SEPTIN11: variants seen among roughly 807,000 people sequenced by gnomAD.
SEPTIN11 encodes the protein septin-11.
Under a neutral mutation model 51.4 loss-of-function variants are expected in SEPTIN11, and 25 were observed. That is an observed-to-expected ratio of 0.49 (90% CI 0.35 to 0.68). The LOEUF (loss-of-function observed/expected upper bound fraction) is 0.68, where lower values mean the gene tolerates loss of function less well. Among genes scored for constraint, SEPTIN11 ranks in the 30% least tolerant of loss-of-function variants. SEPTIN11 has a pLI of 0.00. For missense variants in SEPTIN11, 381 were observed against 520.8 expected (o/e 0.73, Z 2.61); for synonymous variants, 174 against 184.1 (o/e 0.95, Z 0.44).
chr4:76,959,209 T>C, intron 1 of SEPTIN11: 1 of 327,964 alleles, frequency 3.0e-6, no homozygotes, highest in South Asian at 3.5e-5. Flanking sequence ...TAACGACCGA[T>C]GGAAACGGAT....
chr4:77,017,807 A>G (rs1204255376), intron 5 of SEPTIN11, among the ~76,000 whole-genome samples: 1 of 152,244 alleles, frequency 6.6e-6, no homozygotes, highest in Non-Finnish European at 1.5e-5. Context: ...AGATAGGATT[A>G]TTATTTCCTC....
rs1483922771 is a variant in SEPTIN11, at chr4:77,035,940, ACCCACTGC to A, written c.*1432_*1439del. ...GTAGAAAGGATAACATTTCTCATGA[ACCCACTGC>A]CCCTCTGCATTTTCCTCACTGGTTA... On this transcript the variant is annotated 3_prime_UTR_variant, in exon 10 of 10. Coordinates refer to ENST00000264893, the MANE Select transcript of SEPTIN11 (RefSeq NM_018243.4). 7.1e-6 allele frequency: 7 copies of A among 985,872 alleles called. No individual in the cohort carries two copies. The highest frequency in any genetic ancestry group is 8.4e-6 in the Non-Finnish European group (7 of 829,946). The allele number at this position is 985,872 out of a possible 1,614,324, so 61.1% of individuals were successfully genotyped here.
intron 1 of SEPTIN11, chr4:76,995,698 G>A: frequency 4.8e-6 from 6 of 1,246,294 alleles, no homozygotes; most frequent in Non-Finnish European, 6.4e-6. Context: ...TTATATAACA[G>A]CATAAATCAC....
At chr4:76,996,622 A>G (rs1378754078) in intron 2 of SEPTIN11, 83 bp downstream of exon 2, 6 of 982,182 alleles carry the variant, frequency 6.1e-6, no homozygotes, top group Admixed American at 1.9e-5. Context: ...CTTCAGTGAA[A>G]TAAGAATGAC....
At position 77,024,158 on chromosome 4, in the gene SEPTIN11, G is replaced by A. The variant is rs1025558961; in HGVS notation, c.953+3488G>A. Reference sequence around the variant, plus strand: ...TGTGAGGCAAAAGGAGGAGTAGCGCGCGCACAGAAACGCCGTATTCAAGCC... The same window carrying A: ...TGTGAGGCAAAAGGAGGAGTAGCGCACGCACAGAAACGCCGTATTCAAGCC... On this transcript the variant is annotated intron_variant, in intron 7 of 9. Transcript: ENST00000264893. This position sits in a 1 kb window ranked among gnomAD's most constrained non-coding sequence, Gnocchi z 4.2. 4.6e-5 allele frequency among the ~76,000 whole-genome samples: 7 copies of A among 152,130 alleles called. No individual in the cohort carries two copies. Among genetic ancestry groups the A allele is most frequent in the East Asian group, 1.9e-4 (1 of 5,188 alleles).
chr4:76,971,594 T>G (rs1722245520), intron 1 of SEPTIN11, among the ~76,000 whole-genome samples: 1 of 152,212 alleles, frequency 6.6e-6, no homozygotes, highest in African/African-American at 2.4e-5. Flanking sequence ...AGATTAAGAT[T>G]AGATTTAAGA....
intron 1 of SEPTIN11, among the ~76,000 whole-genome samples, chr4:76,995,481 T>C (rs1413848183): frequency 6.6e-6 from 1 of 152,128 alleles, no homozygotes; most frequent in Non-Finnish European, 1.5e-5. Flanking sequence ...GAATATAAAG[T>C]TCATTGACAA....
At chr4:76,955,678 T>C (rs1330202616) in intron 1 of SEPTIN11, among the ~76,000 whole-genome samples, 2 of 152,178 alleles carry the variant, frequency 1.3e-5, no homozygotes, top group Admixed American at 6.5e-5. Context: ...CAGGATTCAA[T>C]AGGAGAGTTG....
chr4:76,955,503 G>A lies in SEPTIN11; in HGVS notation c.27+5573G>A, dbSNP rs184979411. Among the ~76,000 whole-genome samples the A allele has an allele frequency of 2.0e-3, 307 of 152,320 alleles. 6 individuals are homozygous for A. Among genetic ancestry groups the A allele is most frequent in the Admixed American group, 0.019 (294 of 15,302 alleles). On this transcript the variant is annotated intron_variant, in intron 1 of 9. Coordinates refer to ENST00000264893, the MANE Select transcript of SEPTIN11 (RefSeq NM_018243.4). ...TGGACAGACAAGAGGCTGAGGAGGT[G>A]GGAAGAGACTCAGTTGTGCAGTGCA...
At chr4:77,038,835 T>G (rs1458627857), downstream of SEPTIN11, among the ~76,000 whole-genome samples, 1 of 152,094 alleles carries the variant, frequency 6.6e-6, no homozygotes, top group Non-Finnish European at 1.5e-5. Context: ...TTTTCCCCCA[T>G]GCCTGTCCCT....
chr4:76,953,774 G>T (rs532865697), intron 1 of SEPTIN11, among the ~76,000 whole-genome samples: 3 of 152,084 alleles, frequency 2.0e-5, no homozygotes, highest in Non-Finnish European at 4.4e-5. Flanking sequence ...AAAATCTTTC[G>T]AAAGTTATAG....
At position 76,984,280 on chromosome 4, in the gene SEPTIN11, C is replaced by G. The variant is rs2109919337; in HGVS notation, c.28-12145C>G. Among the ~76,000 whole-genome samples, 1 of 152,048 alleles carries G rather than the reference C, an allele frequency of 6.6e-6. No individual in the cohort carries two copies. The highest frequency in any genetic ancestry group is 1.9e-4 in the East Asian group (1 of 5,168). On this transcript the variant is annotated intron_variant, in intron 1 of 9. Coordinates refer to ENST00000264893, the MANE Select transcript of SEPTIN11 (RefSeq NM_018243.4). The surrounding 1 kb of genome is among the most constrained non-coding windows in gnomAD (Gnocchi z 4.1). Reference sequence around the variant, plus strand: ...CCAGGTTGTGACTAGGGGAAACAGCCCTGGTGCTTTTGTTCATGACTTGCT... The same window carrying G: ...CCAGGTTGTGACTAGGGGAAACAGCGCTGGTGCTTTTGTTCATGACTTGCT...
At chr4:77,030,170 T>G (rs948109728) in intron 8 of SEPTIN11, among the ~76,000 whole-genome samples, 2 of 152,034 alleles carry the variant, frequency 1.3e-5, no homozygotes, top group African/African-American at 4.8e-5. Flanking sequence ...GCAGGAGAAT[T>G]GCTTGAACCC....
intron 1 of SEPTIN11, among the ~76,000 whole-genome samples, chr4:76,966,561 T>A (rs780905918): frequency 1.3e-5 from 2 of 151,770 alleles, no homozygotes; most frequent in Non-Finnish European, 2.9e-5. Flanking sequence ...TTGAAAAAAA[T>A]TAAAAATTTA....
At chr4:77,008,193 T>A (rs183813462) in intron 3 of SEPTIN11, among the ~76,000 whole-genome samples, 1 of 152,306 alleles carries the variant, frequency 6.6e-6, no homozygotes, top group Admixed American at 6.5e-5. Flanking sequence ...TACTCTTCAG[T>A]GGAGAAAGAA....
intron 1 of SEPTIN11, among the ~76,000 whole-genome samples, chr4:76,988,891 G>T (rs1723190146): frequency 6.6e-6 from 1 of 152,180 alleles, no homozygotes; most frequent in African/African-American, 2.4e-5. Flanking sequence ...ATTTGGTTTG[G>T]AGTTTCCCAG....
intron 5 of SEPTIN11, among the ~76,000 whole-genome samples, chr4:77,017,969 T>C (rs1439779768): frequency 6.6e-6 from 1 of 152,158 alleles, no homozygotes; most frequent in Admixed American, 6.5e-5. Flanking sequence ...ATTTGTGCAA[T>C]AGTCAACTGT....
At chr4:77,016,307 G>T (rs560491691) in intron 5 of SEPTIN11, among the ~76,000 whole-genome samples, 1 of 151,706 alleles carries the variant, frequency 6.6e-6, no homozygotes, top group Non-Finnish European at 1.5e-5. Context: ...GCTGTGGGTA[G>T]TGGAGGTAGA....
At chr4:76,996,883 CT>C (rs567525535) in intron 2 of SEPTIN11, among the ~76,000 whole-genome samples, 84 of 126,326 alleles carry the variant, frequency 6.6e-4, no homozygotes, top group African/African-American at 1.5e-3. Context: ...CTAGCCATAT[CT>C]TTTTTTTTTT....
Sources: gnomAD v4.1 joint callset for allele counts (sites outside exome capture counted in the v4.1 genomes callset) on GRCh38, gnomAD v4.1.1 for gene constraint, Gnocchi (gnomAD v3.1) non-coding constraint, MANE v1.5 for transcripts, NCBI Gene and HGNC (gene_info 2026-07-23, HGNC 2026-07-21) for gene names.